Variants in WDR33 observed in about 807,000 individuals in gnomAD.
WDR33 encodes the protein pre-mRNA 3' end processing protein WDR33.
In WDR33, 47 loss-of-function variants were observed where a neutral mutation model predicts 164.9. The observed-to-expected ratio is 0.29, with a 90% CI of 0.23 to 0.36. The LOEUF (loss-of-function observed/expected upper bound fraction) is 0.36, where lower values mean the gene tolerates loss of function less well. Ranked by LOEUF, WDR33 falls within the 10% of genes least tolerant of loss-of-function variation. The probability of loss-of-function intolerance (pLI) is 1.00; values close to 1 mark genes in which losing one functional copy is unlikely to be tolerated. For missense variants in WDR33, 1,137 were observed against 1,754.1 expected (o/e 0.65, Z 6.28); for synonymous variants, 505 against 589.0 (o/e 0.86, Z 2.06).
chr2:127,755,033 A>T (rs549105919), intron 7 of WDR33, among the ~76,000 whole-genome samples: 18 of 152,288 alleles, frequency 1.2e-4, no homozygotes, highest in African/African-American at 4.3e-4. Context: ...GAAGAACATG[A>T]CACCTCAAGA....
In WDR33 at chr2:127,726,689, C is replaced by T. The variant is rs1456983068; in HGVS notation, c.813G>A (p.Lys271=). Residue 271 remains lysine, a synonymous_variant, in exon 8 of 22, where the codon AAG becomes AAA. Coordinates refer to ENST00000322313, the MANE Select transcript of WDR33 (RefSeq NM_018383.5). The surrounding 1 kb of genome is among the most constrained non-coding windows in gnomAD (Gnocchi z 4.8). ...TCTGCCCAGTCTTGGGATCCCAGAA[C>T]TTGATTGGCTGTTGACTATCTTTAC... is the stretch of plus-strand genomic sequence containing the variant. ...SGSKDSQQPI[K]FWDPKTGQSL... The T allele has an allele frequency of 3.1e-6, 5 of 1,614,218 alleles. No homozygotes were observed. The highest frequency in any genetic ancestry group is 4.2e-6 in the Non-Finnish European group (5 of 1,180,032).
chr2:127,740,383 T>C (rs1018899421), intron 7 of WDR33, among the ~76,000 whole-genome samples: 1 of 147,764 alleles, frequency 6.8e-6, no homozygotes, highest in Non-Finnish European at 1.5e-5. Context: ...GGATTTGTAT[T>C]TCTCTACACA....
At chr2:127,807,759 T>C (rs1689490704) in intron 1 of WDR33, among the ~76,000 whole-genome samples, 1 of 152,258 alleles carries the variant, frequency 6.6e-6, no homozygotes, top group Non-Finnish European at 1.5e-5. Flanking sequence ...ATTTGTATAA[T>C]GCCTAGGTTT....
chr2:127,706,250 G>C lies in WDR33; in HGVS notation c.*73C>G. On this transcript the variant is annotated 3_prime_UTR_variant, in exon 22 of 22. Transcript: ENST00000322313. The surrounding 1 kb of genome is among the most constrained non-coding windows in gnomAD (Gnocchi z 5.1). Reference sequence around the variant, plus strand: ...GCTACAATGGTGCAGGCTTCCTTTTGTTTCTCTTGGTGAGTCCACAAGAAG... The same window carrying C: ...GCTACAATGGTGCAGGCTTCCTTTTCTTTCTCTTGGTGAGTCCACAAGAAG... The C allele has an allele frequency of 1.5e-6, 2 of 1,362,806 alleles. No homozygotes were observed. The highest frequency in any genetic ancestry group is 1.7e-5 in the South Asian group (1 of 60,060). 84.4% of individuals were successfully genotyped at this position (1,362,806 alleles called of 1,614,324 possible). A position where few individuals can be genotyped will look rare whatever the true frequency, so the allele number is the denominator to read the frequency against.
chr2:127,728,932 C>A (rs6430947), intron 7 of WDR33, among the ~76,000 whole-genome samples: 24,769 of 151,982 alleles, frequency 0.16, 2,224 homozygotes, highest in Middle Eastern at 0.24. Flanking sequence ...AAGAAGCATA[C>A]GTAAAAACAA....
chr2:127,711,778 A>ATTTTTTT (rs1375261650), intron 18 of WDR33, among the ~76,000 whole-genome samples: 2 of 93,054 alleles, frequency 2.1e-5, no homozygotes, highest in African/African-American at 1.2e-4. Flanking sequence ...ATATATATAT[A>ATTTTTTT]TATTTTTTTT....
rs1686523663 is a variant in WDR33, at chr2:127,724,725, T to C, written c.1085+162A>G. On this transcript the variant is annotated intron_variant, in intron 10 of 21. Coordinates refer to ENST00000322313, the MANE Select transcript of WDR33 (RefSeq NM_018383.5). This position sits in a 1 kb window ranked among gnomAD's most constrained non-coding sequence, Gnocchi z 4.8. ...TGACTTCCATATCCACAAACAGAGG[T>C]ACATTTTCTATTCCAAGCTGGATTT... Among the ~76,000 whole-genome samples, 1 of 152,114 alleles carries C rather than the reference T, an allele frequency of 6.6e-6. No homozygotes were observed. Among genetic ancestry groups the C allele is most frequent in the Non-Finnish European group, 1.5e-5 (1 of 68,028 alleles).
At chr2:127,793,139 C>T (rs1413672552) in intron 1 of WDR33, among the ~76,000 whole-genome samples, 1 of 152,068 alleles carries the variant, frequency 6.6e-6, no homozygotes, top group African/African-American at 2.4e-5. Context: ...ACATCAAAAA[C>T]TCAATTTAGG....
intron 7 of WDR33, among the ~76,000 whole-genome samples, chr2:127,748,151 C>T (rs76026486): frequency 0.04 from 6,128 of 152,224 alleles, 368 homozygotes; most frequent in African/African-American, 0.13. Flanking sequence ...CTCTGTTTTC[C>T]GACAGCACCC....
At chr2:127,736,036 G>A (rs1573899981) in intron 7 of WDR33, 9 of 985,350 alleles carry the variant, frequency 9.1e-6, no homozygotes, top group Middle Eastern at 5.2e-4. Flanking sequence ...GAAGGGGTCC[G>A]GCAGTCAGGT....
At chr2:127,787,469 A>G (rs1422247902) in intron 1 of WDR33, among the ~76,000 whole-genome samples, 29 of 127,740 alleles carry the variant, frequency 2.3e-4, no homozygotes, top group African/African-American at 3.6e-4. Context: ...CGGACGGGGC[A>G]GCTGGCCGGG....
chr2:127,733,442 A>G (rs1417360188), intron 7 of WDR33, among the ~76,000 whole-genome samples: 1 of 152,244 alleles, frequency 6.6e-6, no homozygotes, highest in Non-Finnish European at 1.5e-5. Flanking sequence ...TCTAAAATTA[A>G]GACATTCCAG....
chr2:127,719,468 G>C lies in WDR33; in HGVS notation c.2557C>G (p.Arg853Gly). The change falls in exon 16 of 22, where the codon CGA (arginine) becomes GGA (glycine). Residue 853 changes from arginine to glycine, a missense_variant. Arg to Gly is a moderately radical substitution (Grantham distance 125). This residue lies in a region of WDR33 where 867 missense variants were observed against 1,073.0 expected (regional missense o/e 0.81). Coordinates refer to ENST00000322313, the MANE Select transcript of WDR33 (RefSeq NM_018383.5). The surrounding 1 kb of genome is among the most constrained non-coding windows in gnomAD (Gnocchi z 6.5). ...TGACTTTGTGAGCCTGGAGGCCCTCGCAATTCCTGGGGAGGTCCCAGCATT... is the reference window on the plus strand; with the variant it reads ...TGACTTTGTGAGCCTGGAGGCCCTCCCAATTCCTGGGGAGGTCCCAGCATT... ...GSMLGPPQEL[R>G]GPPGSQSQQG... is the part of the protein sequence containing the mutation. 1 of 1,590,338 alleles carries C rather than the reference G, an allele frequency of 6.3e-7. No homozygotes were observed. Among genetic ancestry groups the C allele is most frequent in the Non-Finnish European group, 8.6e-7 (1 of 1,166,398 alleles).
chr2:127,779,169 T>TTAA (rs1553478762), intron 1 of WDR33, among the ~76,000 whole-genome samples: 3 of 146,298 alleles, frequency 2.1e-5, no homozygotes, highest in African/African-American at 5.0e-5. Context: ...TTTTAATAAT[T>TTAA]AAAAAAAAAA....
chr2:127,808,481 A>C (rs985373236), intron 1 of WDR33, among the ~76,000 whole-genome samples: 4 of 152,240 alleles, frequency 2.6e-5, no homozygotes, highest in African/African-American at 9.6e-5. Flanking sequence ...AAATTAGTAA[A>C]ATGTTTAAGG....
Position 127,719,394 on chromosome 2 carries a change from C to T in WDR33, c.2631G>A (p.Met877Ile), listed in dbSNP as rs760141176. Residue 877 changes from methionine (M) to isoleucine (I), a missense_variant, in exon 16 of 22, where the codon ATG (methionine) becomes ATA (isoleucine). By Grantham distance (10) the Met-to-Ile change is conservative (BLOSUM62 1). This residue lies in a region of WDR33 where 867 missense variants were observed against 1,073.0 expected (regional missense o/e 0.81). Coordinates refer to ENST00000322313, the MANE Select transcript of WDR33 (RefSeq NM_018383.5). This position sits in a 1 kb window ranked among gnomAD's most constrained non-coding sequence, Gnocchi z 6.5. ...GTCCCTGAGGTCCGGGGGGTCCTTG[C>T]ATGCCACCCTGGGGTGGAGGTCCTA... ...GSLGPPPQGG[M>I]QGPPGPQGQQ... 1.3e-6 allele frequency: 2 copies of T among 1,524,314 alleles called. No individual in the cohort carries two copies. Among genetic ancestry groups the T allele is most frequent in the Admixed American group, 4.4e-5 (2 of 45,126 alleles). 94.4% of individuals were successfully genotyped at this position (1,524,314 alleles called of 1,614,324 possible).
chr2:127,787,933 G>T (rs1688656659), intron 1 of WDR33, among the ~76,000 whole-genome samples: 1 of 54,620 alleles, frequency 1.8e-5, no homozygotes, highest in Non-Finnish European at 3.5e-5. Context: ...GGCTGGCCGG[G>T]CAGAGGGGCT....
intron 1 of WDR33, among the ~76,000 whole-genome samples, chr2:127,791,340 T>A (rs1213836590): frequency 1.3e-5 from 2 of 151,910 alleles, no homozygotes; most frequent in African/African-American, 4.8e-5. Flanking sequence ...TCCCATTTCA[T>A]CATGTGCTAT....
intron 7 of WDR33, chr2:127,737,946 G>T: frequency 1.3e-6 from 2 of 1,593,450 alleles, no homozygotes; most frequent in Non-Finnish European, 1.7e-6. Context: ...GAATCTTCTT[G>T]GGTATATTCA....
Sources: gnomAD v4.1 joint callset for allele counts (sites outside exome capture counted in the v4.1 genomes callset) on GRCh38, gnomAD v4.1.1 for gene constraint, gnomAD v4.1.1 regional missense constraint, Gnocchi (gnomAD v3.1) non-coding constraint, MANE v1.5 for transcripts, NCBI Gene and HGNC (gene_info 2026-07-23, HGNC 2026-07-21) for gene names.